Variants in PDE4D observed in about 807,000 individuals in gnomAD.
PDE4D encodes the protein 3',5'-cyclic-AMP phosphodiesterase 4D.
Under a neutral mutation model 87.4 loss-of-function variants are expected in PDE4D, and 24 were observed. The ratio of observed to expected loss-of-function variants is 0.27; its 90% CI spans 0.20 to 0.39. The LOEUF (loss-of-function observed/expected upper bound fraction) is 0.39. Among genes scored for constraint, PDE4D ranks in the 10% least tolerant of loss-of-function variants. The pLI is 1.00. For synonymous variants in PDE4D, 384 were observed against 383.2 expected, an observed-to-expected ratio of 1.00 and a Z score of -0.02; for missense variants, 714 against 1,041.0, an observed-to-expected ratio of 0.69 and a Z score of 4.32.
chr5:60,460,436 G>A, intron 1 of PDE4D: 4 of 1,401,322 alleles, frequency 2.9e-6, no homozygotes, highest in Non-Finnish European at 4.0e-6. Flanking sequence ...ACTTGTGGAT[G>A]CTTGACAAAT....
chr5:59,372,168 A>T (rs1446660671), intron 1 of PDE4D, among the ~76,000 whole-genome samples: 5 of 152,192 alleles, frequency 3.3e-5, no homozygotes, highest in Non-Finnish European at 7.3e-5. Flanking sequence ...CAAGTCATCC[A>T]TTTCTCTACC....
At chr5:59,967,978 T>C (rs1479855327) in intron 3 of PDE4D, among the ~76,000 whole-genome samples, 4 of 55,728 alleles carry the variant, frequency 7.2e-5, no homozygotes, top group Admixed American at 2.1e-4. Flanking sequence ...CCATATGCTT[T>C]TTTTTTTTTT....
intron 6 of PDE4D, among the ~76,000 whole-genome samples, chr5:59,023,711 T>C (rs975576844): frequency 6.6e-6 from 1 of 152,154 alleles, no homozygotes; most frequent in Non-Finnish European, 1.5e-5. Flanking sequence ...TTTCTGGGAC[T>C]AAATTAGAGA....
intron 1 of PDE4D, among the ~76,000 whole-genome samples, chr5:59,886,957 T>C (rs1163220540): frequency 1.4e-5 from 2 of 146,314 alleles, no homozygotes; most frequent in African/African-American, 2.5e-5. Flanking sequence ...TGAGGAGAGG[T>C]TGGAGCTAGA....
intron 1 of PDE4D, among the ~76,000 whole-genome samples, chr5:59,453,941 C>T (rs1372582832): frequency 6.6e-6 from 1 of 152,202 alleles, no homozygotes; most frequent in Non-Finnish European, 1.5e-5. Context: ...ATTCAAAAGA[C>T]AGGCTGATCC....
intron 1 of PDE4D, among the ~76,000 whole-genome samples, chr5:59,731,596 A>G (rs1757368922): frequency 6.6e-6 from 1 of 152,122 alleles, no homozygotes; most frequent in Non-Finnish European, 1.5e-5. Flanking sequence ...ATGATTTTGC[A>G]ATAAAGACTT....
At chr5:58,997,504 G>A (rs1749503976) in intron 6 of PDE4D, among the ~76,000 whole-genome samples, 1 of 151,946 alleles carries the variant, frequency 6.6e-6, no homozygotes, top group South Asian at 2.1e-4. Flanking sequence ...TATTTAGAAG[G>A]GACAAAACAT....
At chr5:59,507,679 A>AAAAAAAAAAAAGAAAAG (rs61334148) in intron 1 of PDE4D, among the ~76,000 whole-genome samples, 8 of 118,712 alleles carry the variant, frequency 6.7e-5, no homozygotes, top group East Asian at 2.1e-4. Context: ...AAAAAAAAAA[A>AAAAAAAAAAAAGAAAAG]AAAAGAAAAG....
chr5:60,111,228 C>T (rs996293797), intron 2 of PDE4D, among the ~76,000 whole-genome samples: 1 of 151,874 alleles, frequency 6.6e-6, no homozygotes, highest in African/African-American at 2.4e-5. Flanking sequence ...CTGATTTGAT[C>T]ATTACACATT....
At chr5:60,519,115 CA>C (rs1750928225) in intron 1 of PDE4D, among the ~76,000 whole-genome samples, 2 of 152,164 alleles carry the variant, frequency 1.3e-5, no homozygotes, top group Admixed American at 1.3e-4. Flanking sequence ...AAGAAAGAGA[CA>C]GAGGGCTAGC....
chr5:60,288,888 A>G (rs997508647), intron 1 of PDE4D, among the ~76,000 whole-genome samples: 2 of 152,236 alleles, frequency 1.3e-5, no homozygotes, highest in South Asian at 2.1e-4. Context: ...TCACCAAATC[A>G]TGCCATGTGT....
intron 2 of PDE4D, among the ~76,000 whole-genome samples, chr5:60,064,030 T>C (rs1396642338): frequency 6.6e-6 from 1 of 152,094 alleles, no homozygotes; most frequent in Non-Finnish European, 1.5e-5. Context: ...CCTGGAACTA[T>C]GATACCTAAA....
chr5:59,791,352 G>A (rs1439901041), intron 1 of PDE4D, among the ~76,000 whole-genome samples: 2 of 152,200 alleles, frequency 1.3e-5, no homozygotes, highest in African/African-American at 4.8e-5. Context: ...AGTTCACGGC[G>A]CTGAGAGCAA....
chr5:59,416,846 T>C (rs1793691187), intron 1 of PDE4D, among the ~76,000 whole-genome samples: 1 of 152,136 alleles, frequency 6.6e-6, no homozygotes, highest in Admixed American at 6.5e-5. Flanking sequence ...CATAGAATAA[T>C]TGAGGTCATT....
intron 1 of PDE4D, among the ~76,000 whole-genome samples, chr5:59,821,264 A>G (rs1561715827): frequency 6.6e-6 from 1 of 151,936 alleles, no homozygotes; most frequent in Admixed American, 6.6e-5. Flanking sequence ...AACAACAACA[A>G]CAACAACAAC....
Position 59,741,617 on chromosome 5 carries a change from C to A in PDE4D, c.455+151551G>T, listed in dbSNP as rs188508582. Among the ~76,000 whole-genome samples, 135 of 152,256 alleles carry A rather than the reference C, an allele frequency of 8.9e-4. 3 individuals carry two copies. On this transcript the variant is annotated intron_variant, in intron 1 of 14. Coordinates refer to ENST00000340635, the MANE Select transcript of PDE4D (RefSeq NM_001104631.2). ...AAAACTTGATTTTCCTCTTTCAAATCATAGGATATGAAGAACTTTTCATTA... is the reference window on the plus strand; with the variant it reads ...AAAACTTGATTTTCCTCTTTCAAATAATAGGATATGAAGAACTTTTCATTA...
rs149963838 is a variant in PDE4D at position 59,027,935 on chromosome 5, T to G, written c.921+10924A>C. Among the ~76,000 whole-genome samples the G allele has an allele frequency of 7.9e-3, 1,206 of 152,112 alleles. 62 individuals carry two copies. Among genetic ancestry groups the G allele is most frequent in the Admixed American group, 0.073 (1,110 of 15,240 alleles). ...AGCAAGGAAATATTTGTGTGTATAC[T>G]AGATGGTAAGATGTTGAGAGGTAGA... is the stretch of plus-strand genomic sequence containing the variant. On this transcript the variant is annotated intron_variant, in intron 6 of 14. Transcript: ENST00000340635.
intron 1 of PDE4D, among the ~76,000 whole-genome samples, chr5:59,792,401 G>GCTGT (rs1765895334): frequency 1.3e-5 from 1 of 74,190 alleles, no homozygotes; most frequent in African/African-American, 7.9e-5. Flanking sequence ...GCTCCAAGAA[G>GCTGT]CTGTGTGTGT....
rs146003629 is a variant in PDE4D, at chr5:60,043,209, C to T, written c.43-54492G>A. 3.1e-4 allele frequency among the ~76,000 whole-genome samples: 47 copies of T among 150,872 alleles called. 1 individual carries two copies. The highest frequency in any genetic ancestry group is 1.1e-3 in the African/African-American group (45 of 41,062). ...AGAAAGGATATCAGAGATTGAAGAT[C>T]AATTTAATGAAAGAAAGGGTGAAGA... On this transcript the variant is annotated intron_variant, in intron 2 of 16. Coordinates refer to the PDE4D transcript ENST00000502484.
Sources: allele counts gnomAD v4.1 joint callset (sites outside exome capture counted in the v4.1 genomes callset), GRCh38; gene constraint gnomAD v4.1.1; transcripts MANE v1.5; gene names NCBI Gene and HGNC (gene_info 2026-07-23, HGNC 2026-07-21).